The following IQSEC3 variants were observed in gnomAD, a reference collection of about 807,000 sequenced individuals.
The protein encoded by IQSEC3 is IQ motif and SEC7 domain-containing protein 3.
Under a neutral mutation model 105.4 loss-of-function variants are expected in IQSEC3, and 50 were observed. That is an observed-to-expected ratio of 0.47 (90% CI 0.38 to 0.60). The LOEUF (loss-of-function observed/expected upper bound fraction) is 0.60. IQSEC3 is among the 20% of genes least tolerant of loss of function. IQSEC3 has a pLI of 0.00. For synonymous variants in IQSEC3, 708 were observed against 746.0 expected (o/e 0.95, Z 0.83); for missense variants, 1,415 against 1,630.0 (o/e 0.87, Z 2.27).
Position 174,460 on chromosome 12 carries a change from G to A in IQSEC3, c.3115-139G>A, listed in dbSNP as rs920571798. 7.6e-6 allele frequency: 6 copies of A among 794,366 alleles called. No homozygotes were observed. The Admixed American group carries it at 1.3e-4, about 17-fold the overall frequency. 49.2% of individuals were successfully genotyped at this position (794,366 alleles called of 1,614,324 possible). ...GCCAGGGTCGCAACCCAGTCTTCTT[G>A]TGGGTGGAGAGATGGCGAGAGGGTC... On this transcript the variant is annotated intron_variant, in intron 13 of 13. Transcript: ENST00000538872.
chr12:128,121 C>T (rs1555084009), intron 3 of IQSEC3, among the ~76,000 whole-genome samples: 1 of 152,164 alleles, frequency 6.6e-6, no homozygotes. Flanking sequence ...TTAGTACTTG[C>T]TTTAGGTACC....
intron 5 of IQSEC3, among the ~76,000 whole-genome samples, chr12:149,782 G>A (rs920355583): frequency 2.0e-5 from 3 of 152,186 alleles, no homozygotes; most frequent in African/African-American, 4.8e-5. Flanking sequence ...CAGGGTTGGG[G>A]CTGGGCAGCA....
Position 175,264 on chromosome 12 carries a change from C to T in IQSEC3, c.*231C>T, listed in dbSNP as rs541759145. 2 of 486,720 alleles carry T rather than the reference C, an allele frequency of 4.1e-6. No homozygotes were observed. The highest frequency in any genetic ancestry group is 8.9e-5 in the South Asian group (2 of 22,560). The allele number at this position is 486,720 out of a possible 1,614,324, so 30.2% of individuals were successfully genotyped here. On this transcript the variant is annotated 3_prime_UTR_variant, in exon 14 of 14. Coordinates refer to ENST00000538872, the MANE Select transcript of IQSEC3 (RefSeq NM_001170738.2). ...AAGACACACCTCACTCTCCCAGGGCCCTACACAGCCAGACCCGGCGAGGCC... is the reference window on the plus strand; with the variant it reads ...AAGACACACCTCACTCTCCCAGGGCTCTACACAGCCAGACCCGGCGAGGCC...
At chr12:135,063 G>A (rs568058320) in intron 3 of IQSEC3, among the ~76,000 whole-genome samples, 222 of 152,358 alleles carry the variant, frequency 1.5e-3, no homozygotes, top group Non-Finnish European at 2.2e-3. Flanking sequence ...CCAGGAGGCG[G>A]AGGTTATGGT....
At chr12:168,961 T>C (rs112278203) in intron 11 of IQSEC3, 52 bp from the exon 12 acceptor site, 48,602 of 1,478,814 alleles carry the variant, frequency 0.033, 894 homozygotes, top group Non-Finnish European at 0.036. Context: ...GCCTCGCCTC[T>C]GTGTGGTTGA....
intron 1 of IQSEC3, among the ~76,000 whole-genome samples, chr12:77,116 G>A (rs1252280103): frequency 1.3e-5 from 2 of 152,278 alleles, no homozygotes; most frequent in African/African-American, 2.4e-5. Flanking sequence ...TGTTTCCCGC[G>A]CACAGCCCGG....
In IQSEC3 at chr12:153,594, A is replaced by G. The variant is rs548985219; in HGVS notation, c.2154-3431A>G. On this transcript the variant is annotated intron_variant, in intron 5 of 13. Coordinates refer to ENST00000538872, the MANE Select transcript of IQSEC3 (RefSeq NM_001170738.2). ...TTTTCCCCCAGGGTCTGAGAAACCC[A>G]GAATAGCACCTGTTCATGAAACACA... Among the ~76,000 whole-genome samples the G allele has an allele frequency of 2.0e-5, 3 of 152,330 alleles. No homozygotes were observed. In the South Asian group the frequency reaches 6.2e-4, roughly 32 times the overall value.
At position 134,864 on chromosome 12, in the gene IQSEC3, G is replaced by A. The variant is rs371426935; in HGVS notation, c.904-3403G>A. On this transcript the variant is annotated intron_variant, in intron 3 of 13. Transcript: ENST00000538872. ...AATCTGGCCGGGCACGGTGGCTCAC[G>A]CCTGTAATCCCAGCACTCTGGGAGG... Among the ~76,000 whole-genome samples the A allele has an allele frequency of 3.6e-4, 54 of 152,076 alleles. No individual in the cohort carries two copies. The East Asian group carries it at 8.1e-3, about 23-fold the overall frequency.
intron 3 of IQSEC3, among the ~76,000 whole-genome samples, chr12:132,802 C>A (rs1317291066): frequency 1.3e-5 from 2 of 152,178 alleles, no homozygotes; most frequent in Non-Finnish European, 2.9e-5. Context: ...AAATGTGGGT[C>A]TAGGATCAAG....
At chr12:130,384 G>A (rs1865547758) in intron 3 of IQSEC3, among the ~76,000 whole-genome samples, 1 of 152,240 alleles carries the variant, frequency 6.6e-6, no homozygotes, top group South Asian at 2.1e-4. Context: ...GAGTGATGGT[G>A]ATGTTAAGTA....
At chr12:101,897 C>T (rs1203805024) in intron 2 of IQSEC3, among the ~76,000 whole-genome samples, 3 of 152,208 alleles carry the variant, frequency 2.0e-5, no homozygotes, top group African/African-American at 7.2e-5. Flanking sequence ...CTTCACCAAA[C>T]CTCATCCCTT....
chr12:122,282 G>A (rs1865245169), intron 2 of IQSEC3, among the ~76,000 whole-genome samples: 1 of 152,162 alleles, frequency 6.6e-6, no homozygotes, highest in Non-Finnish European at 1.5e-5. Context: ...GAGTGTCCAA[G>A]CAGGAAGGGT....
intron 2 of IQSEC3, among the ~76,000 whole-genome samples, chr12:112,603 G>A (rs1864928721): frequency 6.6e-6 from 1 of 152,158 alleles, no homozygotes; most frequent in South Asian, 2.1e-4. Context: ...AAGGCACAAG[G>A]CATCCCCCTC....
At chr12:155,315 C>A (rs564251621) in intron 5 of IQSEC3, among the ~76,000 whole-genome samples, 39 of 152,350 alleles carry the variant, frequency 2.6e-4, no homozygotes, top group Non-Finnish European at 4.0e-4. Context: ...TCCACCCCAG[C>A]CCCACCCTCA....
chr12:76,355 G>T (rs1863528012), intron 1 of IQSEC3, among the ~76,000 whole-genome samples: 1 of 152,254 alleles, frequency 6.6e-6, no homozygotes, highest in South Asian at 2.1e-4. Context: ...GTGGTGCGCA[G>T]GCGTTTGTGG....
intron 2 of IQSEC3, among the ~76,000 whole-genome samples, chr12:112,153 G>T (rs782261062): frequency 4.6e-5 from 7 of 152,124 alleles, no homozygotes; most frequent in Non-Finnish European, 8.8e-5. Context: ...TAGCTCAGGG[G>T]CTCATAAAGT....
chr12:158,796 T>C (rs1381671610), intron 7 of IQSEC3, among the ~76,000 whole-genome samples: 4 of 152,144 alleles, frequency 2.6e-5, no homozygotes, highest in African/African-American at 9.7e-5. Context: ...GTAGCCGGGA[T>C]TACAGGTGTG....
At chr12:162,964 T>C (rs1866964814) in intron 8 of IQSEC3, among the ~76,000 whole-genome samples, 1 of 152,082 alleles carries the variant, frequency 6.6e-6, no homozygotes, top group Admixed American at 6.5e-5. Flanking sequence ...TTCCTATTCC[T>C]GTCCCTCTAT....
chr12:118,580 G>T (rs938547773), intron 2 of IQSEC3, among the ~76,000 whole-genome samples: 1 of 152,146 alleles, frequency 6.6e-6, no homozygotes, highest in Non-Finnish European at 1.5e-5. Flanking sequence ...GAGTCCATCA[G>T]CCTTCAAAAT....
Sources: allele counts gnomAD v4.1 joint callset (sites outside exome capture counted in the v4.1 genomes callset), GRCh38; gene constraint gnomAD v4.1.1; transcripts MANE v1.5; gene names NCBI Gene and HGNC (gene_info 2026-07-23, HGNC 2026-07-21).